FLNB: variants seen among roughly 807,000 people sequenced by gnomAD.
FLNB encodes the protein filamin-B.
A neutral mutation model predicts 250.6 loss-of-function variants in FLNB; 111 were observed. That is an observed-to-expected ratio of 0.44 (90% CI 0.38 to 0.52). The LOEUF (loss-of-function observed/expected upper bound fraction) is 0.52, where lower values mean the gene tolerates loss of function less well. Ranked by LOEUF, FLNB falls within the 20% of genes least tolerant of loss-of-function variation. FLNB has a pLI of 0.00. For synonymous variants in FLNB, 1,302 were observed against 1,372.1 expected (o/e 0.95, Z 1.13); for missense variants, 2,869 against 3,447.8 (o/e 0.83, Z 4.20).
At chr3:58,031,367 C>T (rs1220497285) in intron 1 of FLNB, among the ~76,000 whole-genome samples, 3 of 151,478 alleles carry the variant, frequency 2.0e-5, no homozygotes, top group Admixed American at 6.6e-5. Context: ...CTCAGCCTCC[C>T]GAGTAGCTGG....
At chr3:58,046,863 A>G (rs955847659) in intron 1 of FLNB, among the ~76,000 whole-genome samples, 4 of 152,212 alleles carry the variant, frequency 2.6e-5, no homozygotes, top group African/African-American at 9.6e-5. Context: ...TCCATTCAGA[A>G]CATTTCATAT....
chr3:58,134,368 C>T (rs937348291), intron 26 of FLNB, among the ~76,000 whole-genome samples: 2 of 152,184 alleles, frequency 1.3e-5, no homozygotes, highest in South Asian at 2.1e-4. Context: ...CGAAACCAGT[C>T]CCTAGTGCCA....
chr3:58,010,120 GTA>G (rs1168058426), intron 1 of FLNB, among the ~76,000 whole-genome samples: 1 of 129,784 alleles, frequency 7.7e-6, no homozygotes, highest in Non-Finnish European at 1.6e-5. Flanking sequence ...GTGTGTGTGT[GTA>G]TGTGGGTGGG....
chr3:58,149,527 G>A (rs1312918899), intron 36 of FLNB: 6 of 417,242 alleles, frequency 1.4e-5, no homozygotes, highest in African/African-American at 1.0e-4. Flanking sequence ...AAGGTGGTAC[G>A]TGCAGTACTT....
intron 18 of FLNB, among the ~76,000 whole-genome samples, chr3:58,116,164 G>T (rs2097277502): frequency 6.6e-6 from 1 of 152,142 alleles, no homozygotes; most frequent in Non-Finnish European, 1.5e-5. Flanking sequence ...TTTGAACTCT[G>T]TTTTCTGAAG....
chr3:58,008,435 C>T lies in FLNB; in HGVS notation c.-130C>T. 4 of 1,120,158 alleles carry T rather than the reference C, an allele frequency of 3.6e-6. No individual in the cohort carries two copies. Among genetic ancestry groups the T allele is most frequent in the Middle Eastern group, 2.9e-4 (1 of 3,500 alleles). The allele number at this position is 1,120,158 out of a possible 1,614,324, so 69.4% of individuals were successfully genotyped here. ...GCGGGCGGCCGCAGAGCAGCACCGG[C>T]CGTGGCTCCGGTAGCAGCAAGTTCG... On this transcript the variant is annotated 5_prime_UTR_variant, in exon 1 of 46. Transcript: ENST00000295956.
At chr3:58,042,835 T>C (rs925018563) in intron 1 of FLNB, among the ~76,000 whole-genome samples, 2 of 152,170 alleles carry the variant, frequency 1.3e-5, no homozygotes, top group African/African-American at 4.8e-5. Context: ...CCTTCTTTCA[T>C]CTCATGCTAC....
intron 1 of FLNB, among the ~76,000 whole-genome samples, chr3:58,044,570 A>G (rs2097150819): frequency 1.3e-5 from 2 of 152,212 alleles, no homozygotes; most frequent in African/African-American, 2.4e-5. Flanking sequence ...GGTTGCAGCA[A>G]GCTGTGATCA....
intron 1 of FLNB, among the ~76,000 whole-genome samples, chr3:58,070,448 T>C (rs1253356081): frequency 6.6e-6 from 1 of 152,190 alleles, no homozygotes; most frequent in East Asian, 1.9e-4. Flanking sequence ...GGTTCAGAGA[T>C]GGATTGTTCA....
intron 2 of FLNB, 98 bp from the exon 3 acceptor site, chr3:58,078,619 T>C: frequency 6.6e-7 from 1 of 1,515,642 alleles, no homozygotes; most frequent in Non-Finnish European, 8.9e-7. Flanking sequence ...AATCATTCTC[T>C]GAACTAAAAG....
chr3:58,080,056 C>T (rs562885077), intron 3 of FLNB, among the ~76,000 whole-genome samples: 19 of 152,262 alleles, frequency 1.2e-4, no homozygotes, highest in African/African-American at 4.3e-4. Context: ...CTCCTTTTTA[C>T]GTTCACGTGA....
chr3:58,123,571 A>ACACGTTGAC lies in FLNB; in HGVS notation c.3608_3616dup (p.Thr1203_Thr1205dup), dbSNP rs773677075. The ACACGTTGAC allele has an allele frequency of 6.2e-7, 1 of 1,612,400 alleles. No individual in the cohort carries two copies. On this transcript the variant is annotated inframe_insertion, in exon 21 of 46. Coordinates refer to ENST00000295956, the MANE Select transcript of FLNB (RefSeq NM_001457.4). ...TACGTGCCCCTGACGGCCGGCATGT[A>ACACGTTGAC]CACGTTGACCATGAAGTATGGTGGC...
intron 1 of FLNB, among the ~76,000 whole-genome samples, chr3:58,076,763 T>G (rs2097202275): frequency 6.6e-6 from 1 of 152,090 alleles, no homozygotes; most frequent in African/African-American, 2.4e-5. Flanking sequence ...ACCTGGCCAT[T>G]ATTATGGAAA....
intron 9 of FLNB, among the ~76,000 whole-genome samples, chr3:58,102,689 A>G (rs990559276): frequency 3.9e-5 from 6 of 152,248 alleles, no homozygotes; most frequent in African/African-American, 1.2e-4. Flanking sequence ...AAGGTCATAC[A>G]GCGTTTGTAA....
At chr3:58,076,936 T>G in intron 1 of FLNB, 110 bp from the exon 2 acceptor site, 2 of 1,270,944 alleles carry the variant, frequency 1.6e-6, no homozygotes, top group Non-Finnish European at 2.3e-6. Flanking sequence ...CTCTTAAATA[T>G]CTCAGTATGG....
chr3:58,163,319 G>C lies in FLNB; in HGVS notation c.7187G>C (p.Gly2396Ala), dbSNP rs142514904. ...LVSAYGTGLE[G>A]GTTGIQSEFF... The stretch of plus-strand genomic sequence containing the variant: ...TCCGCCTATGGCACGGGACTCGAAG[G>C]GGGCACCACAGGTAACCCACTCTTC... The change falls in exon 43 of 46, where the codon GGG becomes GCG. Residue 2396 changes from glycine (G) to alanine (A), a missense_variant. By Grantham distance (60) the Gly-to-Ala change is moderately conservative. Coordinates refer to ENST00000295956, the MANE Select transcript of FLNB (RefSeq NM_001457.4). The C allele has an allele frequency of 6.2e-7, 1 of 1,614,186 alleles. No homozygotes were observed. Among genetic ancestry groups the C allele is most frequent in the Non-Finnish European group, 8.5e-7 (1 of 1,180,036 alleles).
chr3:58,014,548 T>C (rs1245914588), intron 1 of FLNB, among the ~76,000 whole-genome samples: 1 of 152,220 alleles, frequency 6.6e-6, no homozygotes, highest in Non-Finnish European at 1.5e-5. Context: ...GGCTTTGATT[T>C]GGAGCCAAAT....
intron 5 of FLNB, 44 bp from the exon 6 acceptor site, chr3:58,096,097 C>A: frequency 2.0e-6 from 3 of 1,485,070 alleles, no homozygotes; most frequent in Non-Finnish European, 2.8e-6. Context: ...GCTCCTTACT[C>A]ACACCCGGCA....
At chr3:58,110,852 T>A (rs2097267406) in intron 16 of FLNB, among the ~76,000 whole-genome samples, 1 of 152,216 alleles carries the variant, frequency 6.6e-6, no homozygotes, top group South Asian at 2.1e-4. Context: ...ATTATAGGCA[T>A]GAGCCACCAC....
Sources: gnomAD v4.1 joint callset for allele counts (sites outside exome capture counted in the v4.1 genomes callset) on GRCh38, gnomAD v4.1.1 for gene constraint, MANE v1.5 for transcripts, NCBI Gene and HGNC (gene_info 2026-07-23, HGNC 2026-07-21) for gene names.